Variants in LRBA observed in about 807,000 individuals in gnomAD.
The protein encoded by LRBA is lipopolysaccharide-responsive and beige-like anchor protein.
In LRBA, 176 loss-of-function variants were observed where a neutral mutation model predicts 330.0. The ratio of observed to expected loss-of-function variants is 0.53; its 90% CI spans 0.47 to 0.60. The LOEUF (loss-of-function observed/expected upper bound fraction) is 0.60. Ranked by LOEUF, LRBA falls within the 20% of genes least tolerant of loss-of-function variation. LRBA has a pLI of 0.00. For missense variants in LRBA, 3,259 were observed against 3,444.8 expected (o/e 0.95, Z 1.35); for synonymous variants, 1,230 against 1,193.0 (o/e 1.03, Z -0.64).
intron 54 of LRBA, among the ~76,000 whole-genome samples, chr4:150,285,660 T>C (rs1298579988): frequency 6.6e-6 from 1 of 152,232 alleles, no homozygotes; most frequent in East Asian, 1.9e-4. Context: ...AACAGAACTT[T>C]CTACAATGAT....
intron 36 of LRBA, among the ~76,000 whole-genome samples, chr4:150,688,810 G>A (rs1783852062): frequency 6.6e-6 from 1 of 152,198 alleles, no homozygotes; most frequent in Non-Finnish European, 1.5e-5. Context: ...AACAGATGCT[G>A]GAAAGGATGT....
intron 40 of LRBA, among the ~76,000 whole-genome samples, chr4:150,514,896 T>C (rs953120007): frequency 2.6e-5 from 4 of 152,176 alleles, no homozygotes; most frequent in African/African-American, 9.7e-5. Flanking sequence ...CTGGGACGAC[T>C]TGCCTGGTAG....
intron 37 of LRBA, among the ~76,000 whole-genome samples, chr4:150,664,516 C>A (rs1030389465): frequency 2.6e-5 from 4 of 152,136 alleles, no homozygotes; most frequent in African/African-American, 9.7e-5. Flanking sequence ...GGATTTCATG[C>A]CACCGGTTCA....
chr4:150,841,626 CT>C (rs368344422), intron 28 of LRBA, among the ~76,000 whole-genome samples: 45 of 150,802 alleles, frequency 3.0e-4, no homozygotes, highest in Admixed American at 1.3e-3. Context: ...GGTCATTTCC[CT>C]TTTTTTTTCT....
intron 35 of LRBA, among the ~76,000 whole-genome samples, chr4:150,749,933 T>C (rs868514217): frequency 1.2e-4 from 18 of 152,362 alleles, no homozygotes; most frequent in African/African-American, 2.2e-4. Context: ...CCTTACTCTT[T>C]CTTGCTGATT....
chr4:150,298,757 GA>G (rs1218133698), intron 53 of LRBA, among the ~76,000 whole-genome samples: 1 of 151,504 alleles, frequency 6.6e-6, no homozygotes, highest in Admixed American at 6.6e-5. Flanking sequence ...ATGAGGAAAA[GA>G]AAAAAAATGC....
Position 150,871,421 on chromosome 4 carries a change from A to G in LRBA, c.2291T>C (p.Leu764Ser), listed in dbSNP as rs1753428789. 1 of 1,611,958 alleles carries G rather than the reference A, an allele frequency of 6.2e-7. No homozygotes were observed. The change falls in exon 19 of 57, where the codon TTG (leucine) becomes TCG (serine). Residue 764 changes from leucine to serine, a missense_variant. Transcript: ENST00000651943. ...RKAEVMLGHGLFSLLAERLML... is the reference protein window; with the variant it reads ...RKAEVMLGHGSFSLLAERLML... ...GAGCCTTTCAGCTAGCAATGAAAACAATCCATGTCCAAGCATGACTTCTGC... is the reference window on the plus strand; with the variant it reads ...GAGCCTTTCAGCTAGCAATGAAAACGATCCATGTCCAAGCATGACTTCTGC...
chr4:150,325,837 T>G lies in LRBA; in HGVS notation c.7424A>C (p.His2475Pro). ...QTPSQLLIEP[H>P]PPRGSAMQVS... Reference sequence around the variant, plus strand: ...TTGCATGGCAGAACCTCTGGGAGGATGGGGCTCTATGAGTAGTTGAGAAGG... The same window carrying G: ...TTGCATGGCAGAACCTCTGGGAGGAGGGGGCTCTATGAGTAGTTGAGAAGG... Residue 2475 changes from histidine to proline, a missense_variant, in exon 49 of 57, where the codon CAT becomes CCT. By Grantham distance (77) the His-to-Pro change is moderately conservative. Transcript: ENST00000651943. 1 of 1,613,456 alleles carries G rather than the reference T, an allele frequency of 6.2e-7. No individual in the cohort carries two copies. The highest frequency in any genetic ancestry group is 8.5e-7 in the Non-Finnish European group (1 of 1,179,632).
rs1751003284 is a variant in LRBA at position 150,435,583 on chromosome 4, C to A, written c.7041+6G>T. ...ATAACAACTATAAAACAAAACATTTCTGTACCTTAATATCAGAGGTATCAC... is the reference window on the plus strand; with the variant it reads ...ATAACAACTATAAAACAAAACATTTATGTACCTTAATATCAGAGGTATCAC... On this transcript the variant is annotated splice_donor_region_variant and intron_variant, in intron 46 of 56. Coordinates refer to ENST00000651943, the MANE Select transcript of LRBA (RefSeq NM_001364905.1). The A allele has an allele frequency of 5.0e-6, 8 of 1,598,688 alleles. No individual in the cohort carries two copies. Among genetic ancestry groups the A allele is most frequent in the Non-Finnish European group, 6.8e-6 (8 of 1,176,074 alleles).
chr4:150,430,262 G>A (rs568805947), intron 46 of LRBA, among the ~76,000 whole-genome samples: 1 of 152,080 alleles, frequency 6.6e-6, no homozygotes, highest in African/African-American at 2.4e-5. Flanking sequence ...TTCCACTCTG[G>A]GCCATAGACA....
chr4:150,817,806 T>C (rs940256985), intron 30 of LRBA, among the ~76,000 whole-genome samples: 1 of 152,098 alleles, frequency 6.6e-6, no homozygotes, highest in African/African-American at 2.4e-5. Flanking sequence ...CTTTATCTTG[T>C]ATATTATTCA....
intron 36 of LRBA, among the ~76,000 whole-genome samples, chr4:150,717,377 T>C (rs949984302): frequency 5.9e-5 from 9 of 152,100 alleles, no homozygotes; most frequent in Non-Finnish European, 7.4e-5. Flanking sequence ...CTAAAAAATA[T>C]ATAGATTGCT....
chr4:150,714,875 G>T (rs1786585791), intron 36 of LRBA, among the ~76,000 whole-genome samples: 1 of 152,090 alleles, frequency 6.6e-6, no homozygotes, highest in South Asian at 2.1e-4. Context: ...AACAAGCAGG[G>T]TTAAAAACTG....
In LRBA at chr4:150,852,899, C is replaced by T. The variant is rs367738505; in HGVS notation, c.2811G>A (p.Arg937=). The change falls in exon 23 of 57, where the codon AGG becomes AGA. Residue 937 remains arginine (R), a synonymous_variant. Transcript: ENST00000651943. The part of the protein sequence containing the change: ...IHKENLANIF[R]EQQGKVDEEI... ...CTTCATCAACTTTTCCTTGCTGTTC[C>T]CTAAATATATTGGCAAGGTTTTCTT... The T allele has an allele frequency of 1.8e-5, 29 of 1,598,284 alleles. No individual in the cohort carries two copies. In the African/African-American group the frequency reaches 3.2e-4, roughly 18 times the overall value.
chr4:150,886,310 G>C (rs934885249), intron 17 of LRBA, among the ~76,000 whole-genome samples: 3 of 152,190 alleles, frequency 2.0e-5, no homozygotes, highest in Non-Finnish European at 2.9e-5. Context: ...CTTCCAGTTA[G>C]AGAAATCTAG....
In LRBA at chr4:150,282,400, A is replaced by G. The variant is rs752406901; in HGVS notation, c.8316+50T>C. The G allele has an allele frequency of 3.3e-6, 5 of 1,522,028 alleles. No homozygotes were observed. In the East Asian group the frequency reaches 6.8e-5, roughly 21 times the overall value. 94.3% of individuals were successfully genotyped at this position (1,522,028 alleles called of 1,614,324 possible). ...CGAACCCTCTCCCTCCCCACTTGAC[A>G]CACGTTGAGGTAAAAGTCGTGAATG... On this transcript the variant is annotated intron_variant, in intron 55 of 56. Coordinates refer to ENST00000651943, the MANE Select transcript of LRBA (RefSeq NM_001364905.1).
intron 47 of LRBA, among the ~76,000 whole-genome samples, chr4:150,368,599 AGTT>A (rs1247092454): frequency 2.0e-5 from 3 of 152,230 alleles, no homozygotes; most frequent in Non-Finnish European, 4.4e-5. Context: ...AACAACGATC[AGTT>A]GTTTATTTAA....
At chr4:150,667,791 C>A (rs565690724) in intron 37 of LRBA, among the ~76,000 whole-genome samples, 2 of 152,292 alleles carry the variant, frequency 1.3e-5, no homozygotes, top group Non-Finnish European at 2.9e-5. Flanking sequence ...TGCTGACTGG[C>A]ACCAGATCAC....
intron 17 of LRBA, among the ~76,000 whole-genome samples, chr4:150,874,802 G>A (rs755461624): frequency 1.3e-5 from 2 of 152,122 alleles, no homozygotes; most frequent in Non-Finnish European, 2.9e-5. Context: ...CACTCCCACG[G>A]ACTAGCAACC....
Sources: allele counts gnomAD v4.1 joint callset (sites outside exome capture counted in the v4.1 genomes callset), GRCh38; gene constraint gnomAD v4.1.1; transcripts MANE v1.5; gene names NCBI Gene and HGNC (gene_info 2026-07-23, HGNC 2026-07-21).